PCM1: variants seen among roughly 807,000 people sequenced by gnomAD.
PCM1 encodes the protein pericentriolar material 1, also known as pericentriolar material 1 protein.
Under a neutral mutation model 241.9 loss-of-function variants are expected in PCM1, and 157 were observed. That is an observed-to-expected ratio of 0.65 (90% CI 0.57 to 0.74). The LOEUF (loss-of-function observed/expected upper bound fraction) is 0.74, where lower values mean the gene tolerates loss of function less well. Among genes scored for constraint, PCM1 ranks in the 30% least tolerant of loss-of-function variants. The pLI, the probability that PCM1 is intolerant of heterozygous loss-of-function variation, is 0.00. For missense variants in PCM1, 3,478 were observed against 2,360.1 expected (o/e 1.47, Z -9.81); for synonymous variants, 1,085 against 784.9 (o/e 1.38, Z -6.39).
intron 22 of PCM1, among the ~76,000 whole-genome samples, chr8:17,969,957 G>C (rs2076292558): frequency 6.6e-6 from 1 of 152,096 alleles, no homozygotes; most frequent in Admixed American, 6.5e-5. Context: ...GGAAGGATGT[G>C]GCGTAACTCA....
At chr8:17,977,790 C>G (rs1221272988) in intron 23 of PCM1, among the ~76,000 whole-genome samples, 1 of 152,140 alleles carries the variant, frequency 6.6e-6, no homozygotes. Flanking sequence ...TGATGAGGGA[C>G]TGACAGCTTG....
At chr8:18,021,350 C>T (rs1388756609) in intron 36 of PCM1, among the ~76,000 whole-genome samples, 1 of 152,142 alleles carries the variant, frequency 6.6e-6, no homozygotes, top group African/African-American at 2.4e-5. Context: ...ACTCATAAAG[C>T]TGGAAAGACC....
Position 17,962,036 on chromosome 8 carries a change from G to A in PCM1, c.2325G>A (p.Leu775=). The A allele has an allele frequency of 6.2e-7, 1 of 1,605,464 alleles. No individual in the cohort carries two copies. The highest frequency in any genetic ancestry group is 8.5e-7 in the Non-Finnish European group (1 of 1,176,054). Residue 775 remains leucine (L), a splice_region_variant and synonymous_variant, in exon 16 of 39, where the codon CTG becomes CTA. Coordinates refer to ENST00000325083, the MANE Select transcript of PCM1 (RefSeq NM_006197.4). ...ALQTACPDLQ[L]SAASVGNCPT... The stretch of plus-strand genomic sequence containing the variant: ...GTTTTTTGTGAATTCCTTTTTAGCT[G>A]TCAGCTGCTAGTGTGGGTAACTGTC...
intron 36 of PCM1, among the ~76,000 whole-genome samples, chr8:18,016,462 A>C (rs1313040811): frequency 6.6e-6 from 1 of 152,202 alleles, no homozygotes; most frequent in Non-Finnish European, 1.5e-5. Context: ...ACAGTGGAGA[A>C]GTTTTAATCT....
Position 17,997,470 on chromosome 8 carries a change from A to G in PCM1, c.4827+3851A>G, listed in dbSNP as rs536228522. 1.3e-4 allele frequency among the ~76,000 whole-genome samples: 20 copies of G among 152,212 alleles called. No homozygotes were observed. In the South Asian group the frequency reaches 3.7e-3, roughly 28 times the overall value. Reference sequence around the variant, plus strand: ...TCTCTCTACCCCCTCTTTAAGGCCAATAACTTAGATTTGTCCTGTTGAGGT... The same window carrying G: ...TCTCTCTACCCCCTCTTTAAGGCCAGTAACTTAGATTTGTCCTGTTGAGGT... On this transcript the variant is annotated intron_variant, in intron 29 of 38. Transcript: ENST00000325083.
At chr8:17,961,045 T>C (rs574775884) in intron 15 of PCM1, among the ~76,000 whole-genome samples, 6 of 152,176 alleles carry the variant, frequency 3.9e-5, no homozygotes, top group Non-Finnish European at 2.9e-5. Context: ...TTTGCAGTTA[T>C]GGACCAGCAT....
intron 11 of PCM1, 101 bp downstream of exon 11, chr8:17,956,878 TTTTA>T: frequency 1.1e-6 from 1 of 949,442 alleles, no homozygotes; most frequent in Non-Finnish European, 1.6e-6. Context: ...ACTATTTGCC[TTTTA>T]TTTAAGCTTT....
chr8:17,996,068 T>G (rs1408217837), intron 29 of PCM1, among the ~76,000 whole-genome samples: 1 of 152,230 alleles, frequency 6.6e-6, no homozygotes, highest in Admixed American at 6.5e-5. Context: ...CTTCCAGTAC[T>G]ATGTTGAATA....
At chr8:18,009,352 C>T (rs1261734814) in intron 30 of PCM1, among the ~76,000 whole-genome samples, 195 bp from the exon 31 acceptor site, 4 of 152,102 alleles carry the variant, frequency 2.6e-5, no homozygotes, top group Non-Finnish European at 4.4e-5. Context: ...ATGTTCTTCC[C>T]TTGTGTATAC....
At chr8:17,958,241 A>G (rs764441773) in intron 13 of PCM1, among the ~76,000 whole-genome samples, 1 of 152,184 alleles carries the variant, frequency 6.6e-6, no homozygotes, top group Admixed American at 6.5e-5. Context: ...CGAAGTTTAT[A>G]TGACTGTCCA....
intron 38 of PCM1, among the ~76,000 whole-genome samples, chr8:18,026,809 C>T (rs1182300492): frequency 6.6e-6 from 1 of 152,074 alleles, no homozygotes; most frequent in Admixed American, 6.5e-5. Context: ...TCCCTTGCTG[C>T]TCCTCCTCTG....
intron 24 of PCM1, among the ~76,000 whole-genome samples, chr8:17,984,889 T>C (rs1318534288): frequency 6.6e-6 from 1 of 151,978 alleles, no homozygotes; most frequent in Non-Finnish European, 1.5e-5. Flanking sequence ...ATTGACCTAT[T>C]ATGTTAGGTT....
intron 38 of PCM1, among the ~76,000 whole-genome samples, chr8:18,026,163 CTGAAACAAAAAAAAAA>C (rs1452049055): frequency 8.6e-4 from 46 of 53,674 alleles, no homozygotes; most frequent in South Asian, 9.3e-4. Flanking sequence ...GACTCCCTCT[CTGAAACAAAAAAAAAA>C]AAAAAAAAAA....
In PCM1 at chr8:17,982,812, A is replaced by G. The variant is rs578178979; in HGVS notation, c.4108+2057A>G. Among the ~76,000 whole-genome samples the G allele has an allele frequency of 2.0e-5, 3 of 152,190 alleles. No homozygotes were observed. In the South Asian group the frequency reaches 6.2e-4, roughly 31 times the overall value. On this transcript the variant is annotated intron_variant, in intron 24 of 38. Transcript: ENST00000325083. ...CCCAGCCCTGAAAAGATTTATTTTT[A>G]GTTTTAATCATTACCCTAAAATTCC...
chr8:17,977,170 A>G (rs1014629108), intron 23 of PCM1, among the ~76,000 whole-genome samples: 5 of 152,218 alleles, frequency 3.3e-5, no homozygotes, highest in Non-Finnish European at 4.4e-5. Context: ...TAAATGAGCA[A>G]TAGTACTACC....
chr8:17,971,933 C>CG (rs1223269648), intron 22 of PCM1, among the ~76,000 whole-genome samples: 2 of 151,848 alleles, frequency 1.3e-5, no homozygotes, highest in Non-Finnish European at 2.9e-5. Context: ...TTTTTAGAGA[C>CG]GGGGTCTCAC....
chr8:17,969,902 G>C (rs2076270995), intron 22 of PCM1, among the ~76,000 whole-genome samples, 154 bp downstream of exon 22: 1 of 152,150 alleles, frequency 6.6e-6, no homozygotes, highest in South Asian at 2.1e-4. Context: ...CAGTAGATGA[G>C]ATGCCAGATA....
At chr8:17,946,988 CTCT>C (rs1163130088) in intron 6 of PCM1, among the ~76,000 whole-genome samples, 195 bp from the exon 7 acceptor site, 1 of 151,910 alleles carries the variant, frequency 6.6e-6, no homozygotes, top group Admixed American at 6.6e-5. Context: ...GTGAAATTAC[CTCT>C]TAAGTGGCAG....
At chr8:17,980,425 T>C (rs149626260) in intron 23 of PCM1, 166 bp from the exon 24 acceptor site, 6 of 487,676 alleles carry the variant, frequency 1.2e-5, no homozygotes, top group Non-Finnish European at 2.1e-5. Flanking sequence ...CCAAAGGGTA[T>C]TGCAAAGATA....
Sources: allele counts gnomAD v4.1 joint callset (sites outside exome capture counted in the v4.1 genomes callset), GRCh38; gene constraint gnomAD v4.1.1; transcripts MANE v1.5; gene names NCBI Gene and HGNC (gene_info 2026-07-23, HGNC 2026-07-21).